The following XIRP2 variants were observed in gnomAD, a reference collection of about 807,000 sequenced individuals.
The protein encoded by XIRP2 is xin actin binding repeat containing 2.
In XIRP2, 236 loss-of-function variants were observed where a neutral mutation model predicts 277.0. That is an observed-to-expected ratio of 0.85 (90% confidence interval 0.77 to 0.95). The LOEUF is 0.95. Ranked by LOEUF, XIRP2 falls within the 40% of genes least tolerant of loss-of-function variation. The probability of loss-of-function intolerance (pLI) is 0.00; values close to 1 mark genes in which losing one functional copy is unlikely to be tolerated. For missense variants in XIRP2, 4,640 were observed against 4,157.5 expected, an observed-to-expected ratio of 1.12 and a Z score of -3.19; for synonymous variants, 1,490 against 1,416.5, an observed-to-expected ratio of 1.05 and a Z score of -1.17.
intron 2 of XIRP2, among the ~76,000 whole-genome samples, chr2:166,918,801 G>A (rs1574078276): frequency 6.6e-6 from 1 of 152,080 alleles, no homozygotes; most frequent in Non-Finnish European, 1.5e-5. Context: ...TTCCTTTTGT[G>A]GGGAAATGAT....
intron 3 of XIRP2, among the ~76,000 whole-genome samples, chr2:167,158,877 A>C (rs559512689): frequency 4.4e-4 from 67 of 152,270 alleles, no homozygotes; most frequent in African/African-American, 1.5e-3. Context: ...ATAAATGGAG[A>C]TTGGAGTAAT....
At chr2:167,027,883 G>T (rs758246354) in intron 2 of XIRP2, among the ~76,000 whole-genome samples, 5 of 151,950 alleles carry the variant, frequency 3.3e-5, no homozygotes, top group African/African-American at 1.2e-4. Flanking sequence ...TAAAACTTCA[G>T]GATCTCTTTG....
intron 4 of XIRP2, among the ~76,000 whole-genome samples, chr2:167,215,006 C>A (rs751966249): frequency 1.3e-5 from 2 of 152,192 alleles, no homozygotes; most frequent in African/African-American, 2.4e-5. Context: ...TTAATTTGCA[C>A]ATGATTGGGA....
chr2:167,091,079 A>T (rs542811568), intron 2 of XIRP2, among the ~76,000 whole-genome samples: 21 of 152,170 alleles, frequency 1.4e-4, no homozygotes, highest in Admixed American at 5.2e-4. Flanking sequence ...TCTAATGAGA[A>T]GTTAACTGTC....
Position 167,258,936 on chromosome 2 carries a change from CA to C in XIRP2, c.*1123del. ...GCTGGCAGTCCTGTGCAGCCTGCTC[CA>C]AAACCAAGCCTCAGCAGAGGCCTTA... is the stretch of plus-strand genomic sequence containing the variant. On this transcript the variant is annotated 3_prime_UTR_variant, in exon 11 of 11. Transcript: ENST00000409195. 4 of 1,613,022 alleles carry C rather than the reference CA, an allele frequency of 2.5e-6. No individual in the cohort carries two copies. Among genetic ancestry groups the C allele is most frequent in the Non-Finnish European group, 3.4e-6 (4 of 1,179,556 alleles).
intron 2 of XIRP2, among the ~76,000 whole-genome samples, chr2:166,931,268 CTT>C (rs1685329536): frequency 6.6e-6 from 1 of 152,138 alleles, no homozygotes. Flanking sequence ...AGATGTGCCT[CTT>C]ATTTTGAAGT....
At chr2:166,907,856 C>T (rs1314927743) in intron 2 of XIRP2, among the ~76,000 whole-genome samples, 2 of 147,538 alleles carry the variant, frequency 1.4e-5, no homozygotes, top group South Asian at 2.1e-4. Flanking sequence ...TGAGTGAGAA[C>T]ATGCAGTGTT....
chr2:167,004,652 A>T (rs542865198), intron 2 of XIRP2, among the ~76,000 whole-genome samples: 2 of 152,024 alleles, frequency 1.3e-5, no homozygotes, highest in East Asian at 3.9e-4. Flanking sequence ...AAGCTATTTC[A>T]AGTACAAATG....
At chr2:167,016,495 A>G (rs1450508001) in intron 2 of XIRP2, among the ~76,000 whole-genome samples, 1 of 151,904 alleles carries the variant, frequency 6.6e-6, no homozygotes, top group African/African-American at 2.4e-5. Flanking sequence ...CATCCCACAA[A>G]TTGCGCTGCA....
chr2:166,985,623 G>C (rs1395117335), intron 2 of XIRP2, among the ~76,000 whole-genome samples: 2 of 151,970 alleles, frequency 1.3e-5, no homozygotes, highest in South Asian at 2.1e-4. Context: ...GTAGAGACAG[G>C]GTTTCACCGT....
chr2:166,973,028 C>T (rs754331729), intron 2 of XIRP2, among the ~76,000 whole-genome samples: 2 of 152,118 alleles, frequency 1.3e-5, no homozygotes, highest in Non-Finnish European at 2.9e-5. Context: ...TTTTAACTTA[C>T]ATTTTCTAGC....
chr2:167,186,471 T>C (rs539720558), intron 3 of XIRP2, among the ~76,000 whole-genome samples: 1 of 152,184 alleles, frequency 6.6e-6, no homozygotes, highest in Non-Finnish European at 1.5e-5. Flanking sequence ...TTTGAGTTTG[T>C]CGTTAGGCCA....
At position 167,246,124 on chromosome 2, in the gene XIRP2, G is replaced by C; in HGVS notation, c.4732G>C (p.Gly1578Arg). Residue 1578 changes from glycine to arginine, a missense_variant, in exon 9 of 11, where the codon GGG becomes CGG. Gly to Arg is a moderately radical substitution (Grantham distance 125). Coordinates refer to ENST00000409195, the MANE Select transcript of XIRP2 (RefSeq NM_152381.6). ...AATCATCATTGAAGCTGATGAAATA[G>C]GGGATGTTCGAATGGCAAAATACAA... ...PGIIIEADEI[G>R]DVRMAKYKLM... is the part of the protein sequence containing the mutation. 6.2e-7 allele frequency: 1 copy of C among 1,613,320 alleles called. No homozygotes were observed. Among genetic ancestry groups the C allele is most frequent in the South Asian group, 1.1e-5 (1 of 90,916 alleles).
chr2:166,950,301 CTTG>C (rs1242927291), intron 2 of XIRP2, among the ~76,000 whole-genome samples: 1 of 152,152 alleles, frequency 6.6e-6, no homozygotes, highest in East Asian at 1.9e-4. Context: ...ATCTCAAGTA[CTTG>C]TTGTCACTGA....
At chr2:167,050,610 A>G (rs1688890715) in intron 2 of XIRP2, among the ~76,000 whole-genome samples, 1 of 151,982 alleles carries the variant, frequency 6.6e-6, no homozygotes, top group Non-Finnish European at 1.5e-5. Flanking sequence ...ATCACACCCT[A>G]TAGATAATTT....
chr2:167,230,298 T>C (rs962478559), intron 5 of XIRP2, among the ~76,000 whole-genome samples: 1 of 152,128 alleles, frequency 6.6e-6, no homozygotes, highest in African/African-American at 2.4e-5. Flanking sequence ...TTGTGAATCT[T>C]TTACCATAAA....
intron 2 of XIRP2, among the ~76,000 whole-genome samples, chr2:166,931,208 G>T (rs1360727432): frequency 6.6e-6 from 1 of 152,158 alleles, no homozygotes; most frequent in African/African-American, 2.4e-5. Flanking sequence ...ACTTGCAATT[G>T]TAATGCAGTG....
intron 2 of XIRP2, among the ~76,000 whole-genome samples, chr2:167,002,262 G>T (rs1368769937): frequency 6.6e-6 from 1 of 152,036 alleles, no homozygotes; most frequent in Admixed American, 6.6e-5. Context: ...GGCAGAGCCA[G>T]TTATGCCCTG....
At chr2:167,199,444 C>T (rs1233928544) in intron 3 of XIRP2, among the ~76,000 whole-genome samples, 1 of 152,140 alleles carries the variant, frequency 6.6e-6, no homozygotes, top group Non-Finnish European at 1.5e-5. Flanking sequence ...TTAAACAAAA[C>T]AGTTCACTAC....
Sources: allele counts gnomAD v4.1 joint callset (sites outside exome capture counted in the v4.1 genomes callset), GRCh38; gene constraint gnomAD v4.1.1; transcripts MANE v1.5; gene names NCBI Gene and HGNC (gene_info 2026-07-23, HGNC 2026-07-21).